MLIP: variants seen among roughly 807,000 people sequenced by gnomAD.
The protein encoded by MLIP is muscular LMNA-interacting protein.
A neutral mutation model predicts 84.8 loss-of-function variants in MLIP; 79 were observed. That is an observed-to-expected ratio of 0.93 (90% CI 0.78 to 1.12). MLIP has a LOEUF of 1.12. Ranked by LOEUF, MLIP falls within the 50% of genes most tolerant of loss-of-function variation. The pLI is 0.00. For missense variants in MLIP, 1,257 were observed against 1,160.6 expected, an observed-to-expected ratio of 1.08 and a Z score of -1.21; for synonymous variants, 504 against 463.0, an observed-to-expected ratio of 1.09 and a Z score of -1.14.
In MLIP at chr6:54,149,092, G is replaced by T. The variant is rs146750385; in HGVS notation, c.2254G>T (p.Ala752Ser). 6.2e-7 allele frequency: 1 copy of T among 1,612,956 alleles called. No individual in the cohort carries two copies. The highest frequency in any genetic ancestry group is 8.5e-7 in the Non-Finnish European group (1 of 1,179,256). ...KTKSSYKAFA[A>S]IPTNTLLLEQ... ...CAAGTCAAGCTACAAGGCTTTTGCA[G>T]CAATCCCTACAAACACATTGCTTTT... is the stretch of plus-strand genomic sequence containing the variant. Residue 752 changes from alanine to serine, a missense_variant, in exon 5 of 14, where the codon GCA (alanine) becomes TCA (serine). Transcript: ENST00000502396.
intron 1 of MLIP, among the ~76,000 whole-genome samples, chr6:54,070,571 T>C (rs1267455149): frequency 6.6e-6 from 1 of 152,208 alleles, no homozygotes; most frequent in Non-Finnish European, 1.5e-5. Flanking sequence ...TGGAAACTTT[T>C]TCACAGGTAA....
intron 1 of MLIP, among the ~76,000 whole-genome samples, chr6:54,070,427 C>T (rs573735292): frequency 6.6e-6 from 1 of 152,240 alleles, no homozygotes; most frequent in Non-Finnish European, 1.5e-5. Flanking sequence ...CAAAAACATG[C>T]TAGTATATGC....
chr6:54,139,505 A>G (rs955974411), intron 4 of MLIP, among the ~76,000 whole-genome samples: 7 of 152,222 alleles, frequency 4.6e-5, no homozygotes. Context: ...GTGTGTGGAG[A>G]CATAAGACGA....
Position 54,066,843 on chromosome 6 carries a change from A to G in MLIP, c.63+47752A>G, listed in dbSNP as rs1582065356. 3.0e-5 allele frequency among the ~76,000 whole-genome samples: 3 copies of G among 99,372 alleles called. 1 individual carries two copies. In the South Asian group the frequency reaches 1.1e-3, roughly 36 times the overall value. 65.2% of individuals were successfully genotyped at this position (99,372 alleles called of 152,430 possible). On this transcript the variant is annotated intron_variant, in intron 1 of 12. Coordinates refer to the MLIP transcript ENST00000274897. The stretch of plus-strand genomic sequence containing the variant: ...ATAAAGAAGATAACACATGACCACA[A>G]ATCAATGAAATACTAACTAGGAAGT...
At position 54,266,027 on chromosome 6, in the gene MLIP, T is replaced by C; in HGVS notation, c.*72T>C. ...TGCTGGTGCTAACCACTTGCTAGAT[T>C]TAACTTTTTTTTTTTTTTCCAGAAT... On this transcript the variant is annotated 3_prime_UTR_variant, in exon 14 of 14. Coordinates refer to ENST00000502396, the MANE Select transcript of MLIP (RefSeq NM_001281747.2). 6.6e-7 allele frequency: 1 copy of C among 1,518,212 alleles called. No individual in the cohort carries two copies. The highest frequency in any genetic ancestry group is 9.0e-7 in the Non-Finnish European group (1 of 1,114,736). The allele number at this position is 1,518,212 out of a possible 1,614,324, so 94.0% of individuals were successfully genotyped here. A position where few individuals can be genotyped will look rare whatever the true frequency, so the allele number is the denominator to read the frequency against.
chr6:54,180,052 A>T (rs143084398), intron 9 of MLIP, among the ~76,000 whole-genome samples: 2 of 152,152 alleles, frequency 1.3e-5, no homozygotes, highest in Non-Finnish European at 2.9e-5. Flanking sequence ...TGCTTGGAGG[A>T]TATTTTCACC....
chr6:54,247,897 A>G (rs1782198267), intron 12 of MLIP, among the ~76,000 whole-genome samples: 1 of 152,090 alleles, frequency 6.6e-6, no homozygotes, highest in Non-Finnish European at 1.5e-5. Flanking sequence ...ACCCTATCAC[A>G]GTCATACCTA....
chr6:54,246,624 C>A (rs1192743293), intron 12 of MLIP, among the ~76,000 whole-genome samples: 1 of 152,012 alleles, frequency 6.6e-6, no homozygotes. Context: ...AACCTTAATT[C>A]TACCATATTA....
At chr6:54,231,585 A>G (rs925059898) in intron 12 of MLIP, among the ~76,000 whole-genome samples, 2 of 151,662 alleles carry the variant, frequency 1.3e-5, no homozygotes, top group Admixed American at 6.5e-5. Flanking sequence ...CAATTAAACT[A>G]CATGGGGCTT....
chr6:54,191,957 C>T (rs1480083829), intron 10 of MLIP, among the ~76,000 whole-genome samples: 1 of 150,136 alleles, frequency 6.7e-6, no homozygotes, highest in Admixed American at 6.6e-5. Flanking sequence ...TTGGTTTAAT[C>T]CTTTAAGAAA....
At chr6:54,138,801 A>G (rs909680883) in intron 4 of MLIP, among the ~76,000 whole-genome samples, 2 of 152,226 alleles carry the variant, frequency 1.3e-5, no homozygotes, top group Non-Finnish European at 2.9e-5. Flanking sequence ...ACACTAAGGC[A>G]TGCTGGCTTC....
intron 1 of MLIP, among the ~76,000 whole-genome samples, chr6:54,069,488 A>T (rs1202140322): frequency 1.0e-5 from 1 of 100,208 alleles, no homozygotes; most frequent in African/African-American, 2.6e-5. Flanking sequence ...CTTGCAGGTA[A>T]CAAAATCTGA....
At chr6:54,216,792 A>T in intron 11 of MLIP, 3 of 985,380 alleles carry the variant, frequency 3.0e-6, no homozygotes, top group Non-Finnish European at 3.6e-6. Flanking sequence ...ATGCCATATA[A>T]TCGAAACCAA....
At chr6:54,161,231 G>C (rs989583978) in intron 8 of MLIP, among the ~76,000 whole-genome samples, 1 of 151,822 alleles carries the variant, frequency 6.6e-6, no homozygotes, top group Non-Finnish European at 1.5e-5. Context: ...GTAGACTAAA[G>C]TAAAATTAGT....
intron 12 of MLIP, among the ~76,000 whole-genome samples, chr6:54,231,989 A>T (rs1781037399): frequency 6.6e-6 from 1 of 152,178 alleles, no homozygotes. Flanking sequence ...TTTTGATTAA[A>T]CAAATTTTAA....
chr6:54,081,237 G>T (rs947343209), intron 1 of MLIP, among the ~76,000 whole-genome samples: 8 of 151,980 alleles, frequency 5.3e-5, no homozygotes, highest in African/African-American at 1.5e-4. Context: ...TAAAATACCC[G>T]CAGGTCTCCA....
Position 54,160,775 on chromosome 6 carries a change from A to G in MLIP, c.2475A>G (p.Thr825=), listed in dbSNP as rs1774553511. Residue 825 remains threonine (T), a synonymous_variant, in exon 8 of 14, where the codon ACA becomes ACG. Transcript: ENST00000502396. ...ATTCTCCTTCAAGGTCCCCAAAGAC[A>G]TTGTTGGGTTCTGACACAGTCAAAG... ...SSDSPSRSPK[T]LLGSDTVKTP... 6.2e-7 allele frequency: 1 copy of G among 1,603,676 alleles called. No individual in the cohort carries two copies. Among genetic ancestry groups the G allele is most frequent in the Admixed American group, 1.7e-5 (1 of 59,676 alleles).
chr6:54,071,997 T>A (rs1218462046), intron 1 of MLIP, among the ~76,000 whole-genome samples: 1 of 152,100 alleles, frequency 6.6e-6, no homozygotes, highest in African/African-American at 2.4e-5. Context: ...AAACATTAAG[T>A]TTTCCCTTTG....
rs145278582 is a variant in MLIP, at chr6:54,054,731, G to A, written c.63+35640G>A. Among the ~76,000 whole-genome samples the A allele has an allele frequency of 1.4e-3, 210 of 152,236 alleles. 1 individual carries two copies. The highest frequency in any genetic ancestry group is 4.9e-3 in the African/African-American group (204 of 41,542). On this transcript the variant is annotated intron_variant, in intron 1 of 12. Transcript: ENST00000274897. ...ATAACATTTTCTCTGGCAGCTTCCCGTTAAAGTCAGTGTGCTTGTATAAAG... is the reference window on the plus strand; with the variant it reads ...ATAACATTTTCTCTGGCAGCTTCCCATTAAAGTCAGTGTGCTTGTATAAAG...
Sources: gnomAD v4.1 joint callset for allele counts (sites outside exome capture counted in the v4.1 genomes callset) on GRCh38, gnomAD v4.1.1 for gene constraint, MANE v1.5 for transcripts, NCBI Gene and HGNC (gene_info 2026-07-23, HGNC 2026-07-21) for gene names.